CEP112: variants seen among roughly 807,000 people sequenced by gnomAD.
The protein encoded by CEP112 is centrosomal protein 112, also known as centrosomal protein of 112 kDa.
In CEP112, 127 loss-of-function variants were observed where a neutral mutation model predicts 153.0. The observed-to-expected ratio is 0.83, with a 90% CI of 0.72 to 0.96. The LOEUF (loss-of-function observed/expected upper bound fraction) is 0.96. Ranked by LOEUF, CEP112 falls within the 40% of genes least tolerant of loss-of-function variation. The probability of loss-of-function intolerance (pLI) is 0.00; values close to 1 mark genes in which losing one functional copy is unlikely to be tolerated. For synonymous variants in CEP112, 358 were observed against 374.4 expected, an observed-to-expected ratio of 0.96 and a Z score of 0.51; for missense variants, 1,089 against 1,101.2, an observed-to-expected ratio of 0.99 and a Z score of 0.16.
chr17:65,735,660 T>C (rs945084139), intron 23 of CEP112, among the ~76,000 whole-genome samples: 1 of 152,182 alleles, frequency 6.6e-6, no homozygotes, highest in African/African-American at 2.4e-5. Flanking sequence ...CATAAGTACA[T>C]GGTAGTGAAG....
chr17:65,775,296 G>T (rs2053613836), intron 21 of CEP112, among the ~76,000 whole-genome samples: 1 of 151,990 alleles, frequency 6.6e-6, no homozygotes, highest in African/African-American at 2.4e-5. Flanking sequence ...TGACACCAGG[G>T]ACCCTGCTCA....
chr17:66,031,378 C>A (rs12943880), intron 12 of CEP112, among the ~76,000 whole-genome samples: 78,012 of 151,656 alleles, frequency 0.51, 20,999 homozygotes, highest in African/African-American at 0.59. Flanking sequence ...TACTAATAAA[C>A]CCTACAAGAG....
At chr17:65,841,874 C>T (rs1204305076) in intron 21 of CEP112, among the ~76,000 whole-genome samples, 3 of 149,398 alleles carry the variant, frequency 2.0e-5, no homozygotes, top group African/African-American at 7.3e-5. Context: ...AAAAAGTCCC[C>T]CCAGACCTAA....
At chr17:65,983,849 A>G (rs1019831983) in intron 17 of CEP112, among the ~76,000 whole-genome samples, 1 of 152,184 alleles carries the variant, frequency 6.6e-6, no homozygotes, top group African/African-American at 2.4e-5. Flanking sequence ...GCTTTTCCTG[A>G]CCAGTCTAAC....
intron 21 of CEP112, among the ~76,000 whole-genome samples, chr17:65,760,365 C>T (rs1295993355): frequency 6.6e-6 from 1 of 152,124 alleles, no homozygotes; most frequent in Admixed American, 6.5e-5. Context: ...CTTCTACTTT[C>T]TCACCATGAA....
chr17:65,835,380 A>C (rs1000330763), intron 21 of CEP112, among the ~76,000 whole-genome samples: 3 of 152,136 alleles, frequency 2.0e-5, no homozygotes, highest in Non-Finnish European at 2.9e-5. Flanking sequence ...TTTAACCCAA[A>C]GGGGAAATCC....
chr17:65,786,835 C>T (rs1306911932), intron 21 of CEP112, among the ~76,000 whole-genome samples: 1 of 152,136 alleles, frequency 6.6e-6, no homozygotes, highest in Non-Finnish European at 1.5e-5. Flanking sequence ...ATCCGCCTGC[C>T]TTCGTCTCCC....
intron 24 of CEP112, among the ~76,000 whole-genome samples, chr17:65,659,120 C>T (rs2046219186): frequency 6.6e-6 from 1 of 150,632 alleles, no homozygotes; most frequent in African/African-American, 2.4e-5. Flanking sequence ...AGATTAATCA[C>T]GACGGATTTT....
At chr17:65,639,758 C>T (rs907121493) in intron 25 of CEP112, among the ~76,000 whole-genome samples, 2 of 150,438 alleles carry the variant, frequency 1.3e-5, no homozygotes, top group African/African-American at 2.4e-5. Flanking sequence ...ACCAACAATA[C>T]GTAAAACATT....
At chr17:66,062,489 G>A (rs1304797439) in intron 11 of CEP112, among the ~76,000 whole-genome samples, 1 of 151,960 alleles carries the variant, frequency 6.6e-6, no homozygotes, top group African/African-American at 2.4e-5. Context: ...AAGTATCTAT[G>A]TATTGAAATA....
chr17:65,979,408 A>C (rs535949224), intron 17 of CEP112, among the ~76,000 whole-genome samples: 2 of 151,952 alleles, frequency 1.3e-5, no homozygotes, highest in African/African-American at 4.8e-5. Context: ...TATTTTTATT[A>C]AAAAAATTTT....
chr17:65,915,787 C>CAAA (rs755351021), intron 19 of CEP112, among the ~76,000 whole-genome samples: 59 of 56,414 alleles, frequency 1.0e-3, no homozygotes, highest in Non-Finnish European at 1.1e-3. Context: ...GACTCAAACT[C>CAAA]AAAAAAAAAA....
chr17:65,898,592 T>C (rs944180413), intron 20 of CEP112, among the ~76,000 whole-genome samples: 2 of 152,184 alleles, frequency 1.3e-5, no homozygotes, highest in East Asian at 1.9e-4. Flanking sequence ...AGATTTATGA[T>C]GCTCAGTGTA....
chr17:65,718,372 C>T (rs1306362641), intron 23 of CEP112, among the ~76,000 whole-genome samples: 2 of 150,458 alleles, frequency 1.3e-5, no homozygotes, highest in Non-Finnish European at 2.9e-5. Context: ...TGCACCATTG[C>T]ACTCCAGCCT....
chr17:65,810,965 T>C (rs2055914533), intron 21 of CEP112, among the ~76,000 whole-genome samples: 1 of 152,182 alleles, frequency 6.6e-6, no homozygotes, highest in African/African-American at 2.4e-5. Context: ...TGCCTCCACT[T>C]TTCCAGTGAA....
Position 65,970,437 on chromosome 17 carries a change from TCATGCATGTATATTACATGCATGCACA to T in CEP112, c.1737-8866_1737-8840del, listed in dbSNP as rs1351230970. Among the ~76,000 whole-genome samples, 46 of 44,790 alleles carry T rather than the reference TCATGCATGTATATTACATGCATGCACA, an allele frequency of 1.0e-3. 4 individuals carry two copies. The highest frequency in any genetic ancestry group is 5.1e-3 in the South Asian group (4 of 778). The allele number at this position is 44,790 out of a possible 152,430, so 29.4% of individuals were successfully genotyped here. A position where few individuals can be genotyped will look rare whatever the true frequency, so the allele number is the denominator to read the frequency against. ...CATGTATATTACATGCATGCACACATCATGCATGTATATTACATGCATGCACACATGCATGTATATTACATGCATGCA... is the reference window on the plus strand; with the variant it reads ...CATGTATATTACATGCATGCACACATCATGCATGTATATTACATGCATGCA... On this transcript the variant is annotated intron_variant, in intron 17 of 26. Transcript: ENST00000535342.
At chr17:66,036,107 T>C (rs568126263) in intron 12 of CEP112, among the ~76,000 whole-genome samples, 6 of 152,168 alleles carry the variant, frequency 3.9e-5, no homozygotes, top group Non-Finnish European at 8.8e-5. Context: ...TGAAATAAGG[T>C]AGTCAAGGAG....
chr17:65,865,068 G>T (rs947401640), intron 20 of CEP112, among the ~76,000 whole-genome samples: 2 of 151,804 alleles, frequency 1.3e-5, no homozygotes, highest in African/African-American at 4.8e-5. Flanking sequence ...TTGAGACAGG[G>T]TCTCACTCTG....
At chr17:66,068,741 A>G (rs926741646) in intron 9 of CEP112, among the ~76,000 whole-genome samples, 3 of 152,176 alleles carry the variant, frequency 2.0e-5, no homozygotes, top group Non-Finnish European at 4.4e-5. Context: ...AAATCTTTGT[A>G]ACAGACATAC....
Sources: gnomAD v4.1 joint callset for allele counts (sites outside exome capture counted in the v4.1 genomes callset) on GRCh38, gnomAD v4.1.1 for gene constraint, MANE v1.5 for transcripts, NCBI Gene and HGNC (gene_info 2026-07-23, HGNC 2026-07-21) for gene names.